Variants in RASGRP1 observed in about 807,000 individuals in gnomAD.
RASGRP1 encodes RAS guanyl-releasing protein 1.
Under a neutral mutation model 95.1 loss-of-function variants are expected in RASGRP1, and 37 were observed. The ratio of observed to expected loss-of-function variants is 0.39; its 90% confidence interval spans 0.30 to 0.51. The LOEUF (loss-of-function observed/expected upper bound fraction) is 0.51, where lower values mean the gene tolerates loss of function less well. RASGRP1 is among the 20% of genes least tolerant of loss of function. The probability of loss-of-function intolerance (pLI) is 0.80; values close to 1 mark genes in which losing one functional copy is unlikely to be tolerated. For synonymous variants in RASGRP1, 325 were observed against 353.4 expected (o/e 0.92, Z 0.90); for missense variants, 711 against 965.4 (o/e 0.74, Z 3.49).
chr15:38,553,545 G>C (rs905103800), intron 2 of RASGRP1, among the ~76,000 whole-genome samples: 1 of 152,126 alleles, frequency 6.6e-6, no homozygotes, highest in Non-Finnish European at 1.5e-5. Context: ...CCATGGGGAC[G>C]GGCATAAGTT....
chr15:38,539,856 A>G (rs1445659934), intron 2 of RASGRP1, among the ~76,000 whole-genome samples: 1 of 152,178 alleles, frequency 6.6e-6, no homozygotes, highest in African/African-American at 2.4e-5. Context: ...TTTACTGAGA[A>G]TGATGATTTC....
chr15:38,539,379 T>C (rs1892777689), intron 2 of RASGRP1, among the ~76,000 whole-genome samples: 1 of 152,164 alleles, frequency 6.6e-6, no homozygotes, highest in Admixed American at 6.5e-5. Flanking sequence ...TTCTGCATGA[T>C]CGATGTTTTC....
intron 2 of RASGRP1, chr15:38,534,594 G>A (rs937277362): frequency 1.3e-5 from 2 of 152,172 alleles, no homozygotes; most frequent in African/African-American, 2.4e-5. Context: ...GCCTTTAAGC[G>A]GAGTCTTACT....
intron 3 of RASGRP1, chr15:38,524,305 G>C (rs532101428): frequency 6.6e-6 from 1 of 152,362 alleles, no homozygotes; most frequent in South Asian, 2.1e-4. Context: ...AAGAATGGTG[G>C]AAACAGTGGT....
intron 2 of RASGRP1, among the ~76,000 whole-genome samples, chr15:38,526,776 G>T (rs1892241452): frequency 6.6e-6 from 1 of 152,126 alleles, no homozygotes; most frequent in Non-Finnish European, 1.5e-5. Context: ...GTCAGAGTGA[G>T]AAAAGTTGGT....
At chr15:38,498,269 C>T (rs944833396) in intron 15 of RASGRP1, among the ~76,000 whole-genome samples, 3 of 152,218 alleles carry the variant, frequency 2.0e-5, no homozygotes, top group Non-Finnish European at 2.9e-5. Flanking sequence ...TGCTTCTAGA[C>T]ATGCAGCCAA....
intron 1 of RASGRP1, among the ~76,000 whole-genome samples, chr15:38,563,847 G>C: frequency 6.6e-6 from 1 of 152,308 alleles, no homozygotes; most frequent in Middle Eastern, 3.4e-3. Context: ...CATCAGTGTC[G>C]ATGTGAATGG....
chr15:38,536,268 A>C (rs1203647546), intron 2 of RASGRP1, among the ~76,000 whole-genome samples: 4 of 152,168 alleles, frequency 2.6e-5, no homozygotes, highest in Non-Finnish European at 2.9e-5. Flanking sequence ...GCAAGGGAAG[A>C]AGGAGCAGCG....
intron 8 of RASGRP1, among the ~76,000 whole-genome samples, chr15:38,511,010 A>G (rs982424804): frequency 6.6e-6 from 1 of 152,190 alleles, no homozygotes; most frequent in Non-Finnish European, 1.5e-5. Context: ...TAAAAGATAA[A>G]AGTATATTCT....
intron 2 of RASGRP1, among the ~76,000 whole-genome samples, chr15:38,558,402 A>G (rs1893660866): frequency 6.6e-6 from 1 of 152,266 alleles, no homozygotes; most frequent in South Asian, 2.1e-4. Context: ...TATAAAATAA[A>G]GAGAAATCTA....
At chr15:38,561,946 A>T (rs1417919785) in intron 1 of RASGRP1, among the ~76,000 whole-genome samples, 1 of 152,146 alleles carries the variant, frequency 6.6e-6, no homozygotes, top group Non-Finnish European at 1.5e-5. Flanking sequence ...CGTGCTGGGG[A>T]CTGACCCTGT....
chr15:38,556,058 T>C (rs1893542313), intron 2 of RASGRP1, among the ~76,000 whole-genome samples: 1 of 152,202 alleles, frequency 6.6e-6, no homozygotes, highest in Admixed American at 6.5e-5. Flanking sequence ...GATGATCTCA[T>C]AGGTCTTTTC....
chr15:38,535,811 A>G (rs1892620129), intron 2 of RASGRP1, among the ~76,000 whole-genome samples: 1 of 152,216 alleles, frequency 6.6e-6, no homozygotes. Flanking sequence ...GTCTCTGCTG[A>G]GCAAGACAGC....
At chr15:38,501,539 C>T in intron 12 of RASGRP1, 2 of 615,942 alleles carry the variant, frequency 3.2e-6, no homozygotes, top group Non-Finnish European at 6.0e-6. Flanking sequence ...CCCTAACTAA[C>T]TTGACCACTA....
At chr15:38,521,631 C>T (rs1238998556) in intron 3 of RASGRP1, among the ~76,000 whole-genome samples, 5 of 152,202 alleles carry the variant, frequency 3.3e-5, no homozygotes, top group African/African-American at 1.2e-4. Flanking sequence ...GTAAGAGGCT[C>T]AGGCATCTGC....
At chr15:38,493,370 G>T (rs1304868412) in intron 16 of RASGRP1, among the ~76,000 whole-genome samples, 1 of 151,492 alleles carries the variant, frequency 6.6e-6, no homozygotes, top group East Asian at 1.9e-4. Context: ...TAGAGACGGG[G>T]TTTCACCACG....
chr15:38,516,170 T>A (rs367574552), intron 6 of RASGRP1, 27 bp downstream of exon 6: 1 of 1,545,214 alleles, frequency 6.5e-7, no homozygotes, highest in Non-Finnish European at 8.9e-7. Flanking sequence ...CCAGGGAAGA[T>A]TTTTCTCCTG....
rs1306849590 is a variant in RASGRP1 at position 38,490,387 on chromosome 15, C to T, written c.*167G>A. On this transcript the variant is annotated 3_prime_UTR_variant, in exon 17 of 17. Transcript: ENST00000310803. ...TGAGTCAACTAACTGAAAGAGAAAACAGTGCTGCACATTAGGAATCTTTTA... is the reference window on the plus strand; with the variant it reads ...TGAGTCAACTAACTGAAAGAGAAAATAGTGCTGCACATTAGGAATCTTTTA... The T allele has an allele frequency of 1.6e-6, 1 of 620,228 alleles. No individual in the cohort carries two copies. Among genetic ancestry groups the T allele is most frequent in the East Asian group, 3.4e-5 (1 of 29,210 alleles). The allele number at this position is 620,228 out of a possible 1,614,324, so 38.4% of individuals were successfully genotyped here.
At chr15:38,493,179 CTTTTT>C (rs71418810) in intron 16 of RASGRP1, among the ~76,000 whole-genome samples, 17 of 104,534 alleles carry the variant, frequency 1.6e-4, no homozygotes, top group Admixed American at 2.2e-4. Context: ...CACGCCGGGC[CTTTTT>C]TTTTTTTTTT....
Sources: allele counts gnomAD v4.1 joint callset (sites outside exome capture counted in the v4.1 genomes callset), GRCh38; gene constraint gnomAD v4.1.1; transcripts MANE v1.5; gene names NCBI Gene and HGNC (gene_info 2026-07-23, HGNC 2026-07-21).